Variants in UBN2 observed in about 807,000 individuals in gnomAD.
UBN2 encodes the protein ubinuclein-2.
Under a neutral mutation model 120.2 loss-of-function variants are expected in UBN2, and 35 were observed. The observed-to-expected ratio is 0.29, with a 90% CI of 0.22 to 0.39. The LOEUF (loss-of-function observed/expected upper bound fraction) is 0.39. Ranked by LOEUF, UBN2 falls within the 10% of genes least tolerant of loss-of-function variation. The probability of loss-of-function intolerance (pLI) is 1.00; values close to 1 mark genes in which losing one functional copy is unlikely to be tolerated. For missense variants in UBN2, 1,693 were observed against 1,663.2 expected, an observed-to-expected ratio of 1.02 and a Z score of -0.31; for synonymous variants, 661 against 648.7, an observed-to-expected ratio of 1.02 and a Z score of -0.29.
Position 139,252,042 on chromosome 7 carries a change from T to C in UBN2, c.648T>C (p.Ile216=). 6.2e-7 allele frequency: 1 copy of C among 1,614,030 alleles called. No homozygotes were observed. The highest frequency in any genetic ancestry group is 8.5e-7 in the Non-Finnish European group (1 of 1,179,860). The change falls in exon 3 of 18, where the codon ATT becomes ATC. Residue 216 remains isoleucine, a synonymous_variant. Coordinates refer to ENST00000473989, the MANE Select transcript of UBN2 (RefSeq NM_173569.4). The part of the protein sequence containing the change: ...GFGYDETDPF[I]DNSEAYDELV... ...GCTATGATGAGACAGATCCATTTATTGATAACTCAGAGGCTGTGAGTAATG... is the reference window on the plus strand; with the variant it reads ...GCTATGATGAGACAGATCCATTTATCGATAACTCAGAGGCTGTGAGTAATG...
chr7:139,317,699 G>A, the UBN2 span, among the ~76,000 whole-genome samples: 1 of 151,672 alleles, frequency 6.6e-6, no homozygotes, highest in African/African-American at 2.4e-5. Flanking sequence ...GTGTCACTCT[G>A]TTGTCCAGGC....
intron 3 of UBN2, among the ~76,000 whole-genome samples, chr7:139,253,124 T>C (rs1297832097): frequency 6.6e-6 from 1 of 152,222 alleles, no homozygotes; most frequent in East Asian, 1.9e-4. Flanking sequence ...ATAATCCTTT[T>C]AATGGCTGCT....
chr7:139,234,512 C>G (rs574060521), intron 1 of UBN2, among the ~76,000 whole-genome samples: 3 of 152,208 alleles, frequency 2.0e-5, no homozygotes, highest in South Asian at 4.1e-4. Flanking sequence ...GTTAGCTAAA[C>G]CTTTAACCTT....
chr7:139,325,403 G>T, the UBN2 span, among the ~76,000 whole-genome samples: 2 of 151,564 alleles, frequency 1.3e-5, no homozygotes, highest in African/African-American at 4.8e-5. Context: ...GAGTAGCTGG[G>T]ATTACAGGTG....
intron 8 of UBN2, 118 bp from the exon 9 acceptor site, chr7:139,272,204 T>C (rs1797297217): frequency 4.5e-6 from 3 of 669,472 alleles, no homozygotes; most frequent in Non-Finnish European, 7.6e-6. Flanking sequence ...TATTTAGATA[T>C]GCTAATATTT....
At chr7:139,309,760 A>G (rs1025110631), downstream of UBN2, among the ~76,000 whole-genome samples, 8 of 152,210 alleles carry the variant, frequency 5.3e-5, no homozygotes, top group African/African-American at 1.9e-4. Context: ...AATCCCAGCT[A>G]TTCGGGAGGC....
chr7:139,301,871 G>GT lies in UBN2; in HGVS notation c.*4041dup, dbSNP rs962537975. The GT allele has an allele frequency of 1.3e-5, 2 of 152,042 alleles. No individual in the cohort carries two copies. Among genetic ancestry groups the GT allele is most frequent in the Admixed American group, 1.3e-4 (2 of 15,258 alleles). The allele number at this position is 152,042 out of a possible 1,614,324, so 9.4% of individuals were successfully genotyped here. Reference sequence around the variant, plus strand: ...TTTCTATTGTGCATGTATGATTGTTGTTTTTTGCTTTTGAGGGGGCTTTTG... The same window carrying GT: ...TTTCTATTGTGCATGTATGATTGTTGTTTTTTTGCTTTTGAGGGGGCTTTTG... On this transcript the variant is annotated 3_prime_UTR_variant, in exon 18 of 18. Coordinates refer to ENST00000473989, the MANE Select transcript of UBN2 (RefSeq NM_173569.4).
At position 139,299,421 on chromosome 7, in the gene UBN2, A is replaced by G. The variant is rs1385692169; in HGVS notation, c.*1585A>G. 3.9e-5 allele frequency: 6 copies of G among 152,152 alleles called. No homozygotes were observed. Among genetic ancestry groups the G allele is most frequent in the African/African-American group, 1.4e-4 (6 of 41,432 alleles). The allele number at this position is 152,152 out of a possible 1,614,324, so 9.4% of individuals were successfully genotyped here. Reference sequence around the variant, plus strand: ...CAGGCCCTTTTTTCTTTTATACACAAAAGTCCCAGATACCCTACAGGACTG... The same window carrying G: ...CAGGCCCTTTTTTCTTTTATACACAGAAGTCCCAGATACCCTACAGGACTG... On this transcript the variant is annotated 3_prime_UTR_variant, in exon 18 of 18. Coordinates refer to ENST00000473989, the MANE Select transcript of UBN2 (RefSeq NM_173569.4).
At chr7:139,278,128 C>A (rs1797498663) in intron 12 of UBN2, among the ~76,000 whole-genome samples, 1 of 151,192 alleles carries the variant, frequency 6.6e-6, no homozygotes, top group Non-Finnish European at 1.5e-5. Context: ...TAATGCATTC[C>A]TTTAATTCTA....
At chr7:139,241,181 G>T (rs1404520617) in intron 2 of UBN2, among the ~76,000 whole-genome samples, 1 of 152,134 alleles carries the variant, frequency 6.6e-6, no homozygotes, top group African/African-American at 2.4e-5. Context: ...AGCCTTCTAG[G>T]ACATAGGATA....
At chr7:139,311,527 G>T (rs1407667355), downstream of UBN2, among the ~76,000 whole-genome samples, 2 of 152,238 alleles carry the variant, frequency 1.3e-5, no homozygotes, top group African/African-American at 4.8e-5. Context: ...CTGCACAGGG[G>T]TGAGACCCCA....
chr7:139,241,556 G>T (rs988350095), intron 2 of UBN2, among the ~76,000 whole-genome samples: 1 of 152,126 alleles, frequency 6.6e-6, no homozygotes, highest in Non-Finnish European at 1.5e-5. Flanking sequence ...GAAGGGTAAG[G>T]GTAGATTTGA....
chr7:139,259,735 T>G (rs1458679986), intron 5 of UBN2, among the ~76,000 whole-genome samples: 1 of 152,172 alleles, frequency 6.6e-6, no homozygotes, highest in Non-Finnish European at 1.5e-5. Flanking sequence ...TTATGGTTGT[T>G]TTAATATTAA....
chr7:139,293,569 A>G, intron 16 of UBN2, 106 bp downstream of exon 16: 4 of 854,420 alleles, frequency 4.7e-6, no homozygotes, highest in South Asian at 1.9e-5. Flanking sequence ...AATGAAGATT[A>G]TAGTTTTTTT....
At chr7:139,237,199 C>G (rs1796187925) in intron 2 of UBN2, 102 bp downstream of exon 2, 2 of 657,096 alleles carry the variant, frequency 3.0e-6, no homozygotes, top group African/African-American at 1.8e-5. Context: ...GCCTGCCTTA[C>G]TTTGTTCTCA....
At chr7:139,242,464 A>G (rs1466292947) in intron 2 of UBN2, among the ~76,000 whole-genome samples, 1 of 152,226 alleles carries the variant, frequency 6.6e-6, no homozygotes, top group Non-Finnish European at 1.5e-5. Flanking sequence ...CTTGCAAAAC[A>G]CAAATACCAG....
the UBN2 span, among the ~76,000 whole-genome samples, chr7:139,320,288 C>T: frequency 6.6e-6 from 1 of 151,208 alleles, no homozygotes; most frequent in Non-Finnish European, 1.5e-5. Flanking sequence ...ATGGTGAAAC[C>T]CCGTCTCTAC....
intron 12 of UBN2, chr7:139,277,709 T>C (rs1269367042): frequency 6.6e-6 from 1 of 152,206 alleles, no homozygotes; most frequent in East Asian, 1.9e-4. Flanking sequence ...TTTATGTACA[T>C]ACGTATATGT....
At chr7:139,252,222 A>C (rs1796642283) in intron 3 of UBN2, among the ~76,000 whole-genome samples, 165 bp downstream of exon 3, 1 of 151,180 alleles carries the variant, frequency 6.6e-6, no homozygotes, top group South Asian at 2.1e-4. Context: ...TTTTTTAAAG[A>C]ATACTGCAGA....
Sources: gnomAD v4.1 joint callset for allele counts (sites outside exome capture counted in the v4.1 genomes callset) on GRCh38, gnomAD v4.1.1 for gene constraint, MANE v1.5 for transcripts, NCBI Gene and HGNC (gene_info 2026-07-23, HGNC 2026-07-21) for gene names.